CCSER1: variants seen among roughly 807,000 people sequenced by gnomAD.
CCSER1 encodes coiled-coil serine rich protein 1, also known as serine-rich coiled-coil domain-containing protein 1.
In CCSER1, 41 loss-of-function variants were observed where a neutral mutation model predicts 82.0. The observed-to-expected ratio is 0.50, with a 90% CI of 0.39 to 0.65. The LOEUF is 0.65. CCSER1 is among the 30% of genes least tolerant of loss of function. The pLI is 0.00. For synonymous variants in CCSER1, 414 were observed against 383.9 expected (o/e 1.08, Z -0.92); for missense variants, 1,119 against 1,064.2 (o/e 1.05, Z -0.72).
intron 1 of CCSER1, among the ~76,000 whole-genome samples, chr4:90,236,247 C>A (rs1745780414): frequency 6.6e-6 from 1 of 152,126 alleles, no homozygotes; most frequent in Non-Finnish European, 1.5e-5. Context: ...GAATTTTTAA[C>A]TGGAGGAAAA....
chr4:91,449,904 G>T (rs1048970156), intron 10 of CCSER1, among the ~76,000 whole-genome samples: 1 of 152,016 alleles, frequency 6.6e-6, no homozygotes, highest in Non-Finnish European at 1.5e-5. Context: ...TCATTTTGAG[G>T]AGTTGAATTG....
intron 5 of CCSER1, among the ~76,000 whole-genome samples, chr4:90,506,351 A>C (rs1205064898): frequency 6.6e-6 from 1 of 152,246 alleles, no homozygotes; most frequent in Non-Finnish European, 1.5e-5. Flanking sequence ...CAGAAGTAAA[A>C]TATAAAATAT....
chr4:90,551,598 C>G (rs374684895), intron 5 of CCSER1, among the ~76,000 whole-genome samples: 2 of 151,226 alleles, frequency 1.3e-5, no homozygotes, highest in East Asian at 3.9e-4. Flanking sequence ...GGGTGGACCT[C>G]AACTCTATAT....
At chr4:90,207,875 G>A (rs183157745) in intron 1 of CCSER1, among the ~76,000 whole-genome samples, 85 of 152,246 alleles carry the variant, frequency 5.6e-4, no homozygotes, top group African/African-American at 1.9e-3. Context: ...TGGAAGCTTC[G>A]TCCTAGAGGG....
intron 8 of CCSER1, among the ~76,000 whole-genome samples, chr4:90,837,072 G>C (rs1761893197): frequency 6.6e-6 from 1 of 152,068 alleles, no homozygotes; most frequent in African/African-American, 2.4e-5. Flanking sequence ...AAAAATTGCT[G>C]TCATATTAAG....
chr4:90,494,484 A>T (rs960175550), intron 5 of CCSER1, among the ~76,000 whole-genome samples: 1 of 152,120 alleles, frequency 6.6e-6, no homozygotes, highest in Non-Finnish European at 1.5e-5. Context: ...ACCACATCAC[A>T]CTTATTCCAA....
intron 10 of CCSER1, among the ~76,000 whole-genome samples, chr4:91,581,401 A>G (rs1370028156): frequency 1.3e-5 from 2 of 151,614 alleles, no homozygotes; most frequent in Non-Finnish European, 3.0e-5. Context: ...GTTGTTGGGG[A>G]AAAAAATTGT....
chr4:90,841,399 A>G (rs766043944), intron 8 of CCSER1, among the ~76,000 whole-genome samples: 3 of 151,952 alleles, frequency 2.0e-5, no homozygotes, highest in Non-Finnish European at 4.4e-5. Context: ...TAACACAATG[A>G]AACCCCGTCT....
chr4:90,268,595 C>T (rs554364213), intron 1 of CCSER1, among the ~76,000 whole-genome samples: 1 of 151,868 alleles, frequency 6.6e-6, no homozygotes, highest in African/African-American at 2.4e-5. Context: ...CAGAGAAAAT[C>T]AACTTCACTA....
At chr4:90,988,203 G>T (rs1678297511) in intron 9 of CCSER1, among the ~76,000 whole-genome samples, 1 of 150,902 alleles carries the variant, frequency 6.6e-6, no homozygotes, top group Non-Finnish European at 1.5e-5. Context: ...AGGTATAGTG[G>T]TATATGTTGT....
chr4:91,035,039 T>C (rs1383802959), intron 9 of CCSER1, among the ~76,000 whole-genome samples: 2 of 152,176 alleles, frequency 1.3e-5, no homozygotes, highest in Non-Finnish European at 2.9e-5. Context: ...TTTTAAATGT[T>C]TTCTATAAGT....
intron 5 of CCSER1, among the ~76,000 whole-genome samples, chr4:90,539,100 A>G (rs1377623185): frequency 6.6e-6 from 1 of 152,078 alleles, no homozygotes; most frequent in Non-Finnish European, 1.5e-5. Flanking sequence ...ATTTCAGAAA[A>G]TTATAAAGGT....
chr4:91,288,942 T>C (rs1321539486), intron 10 of CCSER1, among the ~76,000 whole-genome samples: 1 of 152,038 alleles, frequency 6.6e-6, no homozygotes. Flanking sequence ...TCCCTTCTTG[T>C]TTTATAGACT....
At chr4:90,276,318 TTTCTTTCTTTCTTTCTTTC>T (rs1727785135) in intron 1 of CCSER1, among the ~76,000 whole-genome samples, 1 of 101,328 alleles carries the variant, frequency 9.9e-6, no homozygotes, top group African/African-American at 5.4e-5. Flanking sequence ...TTTCTTTCTT[TTTCTTTCTTTCTTTCTTTC>T]TTCTTTCTTT....
Position 90,495,231 on chromosome 4 carries a change from T to G in CCSER1, c.1724+26877T>G, listed in dbSNP as rs1307579170. Among the ~76,000 whole-genome samples, 4 of 152,298 alleles carry G rather than the reference T, an allele frequency of 2.6e-5. No individual in the cohort carries two copies. In the East Asian group the frequency reaches 7.7e-4, roughly 29 times the overall value. Reference sequence around the variant, plus strand: ...GAACGTCACTTAAATTTTTGAGTCCTCAAAACCAACCTTGTTGAAATGGTT... The same window carrying G: ...GAACGTCACTTAAATTTTTGAGTCCGCAAAACCAACCTTGTTGAAATGGTT... On this transcript the variant is annotated intron_variant, in intron 5 of 10. Transcript: ENST00000509176.
chr4:90,446,533 A>C (rs958206587), intron 4 of CCSER1, among the ~76,000 whole-genome samples: 1 of 152,170 alleles, frequency 6.6e-6, no homozygotes, highest in African/African-American at 2.4e-5. Flanking sequence ...AAGGTAGTGC[A>C]AGGAAGGAGC....
At chr4:91,257,690 C>G (rs747254088) in intron 10 of CCSER1, among the ~76,000 whole-genome samples, 1 of 152,062 alleles carries the variant, frequency 6.6e-6, no homozygotes, top group Non-Finnish European at 1.5e-5. Context: ...TGTAACCACT[C>G]AATGAACTTA....
chr4:90,336,836 A>G (rs933273071), intron 3 of CCSER1, among the ~76,000 whole-genome samples: 3 of 152,216 alleles, frequency 2.0e-5, no homozygotes, highest in African/African-American at 7.2e-5. Flanking sequence ...ATTTATAATA[A>G]ATATACTCAA....
At chr4:90,519,149 CCATT>C (rs1334838363) in intron 5 of CCSER1, among the ~76,000 whole-genome samples, 2 of 151,750 alleles carry the variant, frequency 1.3e-5, no homozygotes, top group Admixed American at 6.6e-5. Context: ...TCTAAAATCT[CCATT>C]CATTCATTCA....
Sources: gnomAD v4.1 joint callset for allele counts (sites outside exome capture counted in the v4.1 genomes callset) on GRCh38, gnomAD v4.1.1 for gene constraint, MANE v1.5 for transcripts, NCBI Gene and HGNC (gene_info 2026-07-23, HGNC 2026-07-21) for gene names.